KDM2B: variants seen among roughly 807,000 people sequenced by gnomAD.
KDM2B encodes lysine-specific demethylase 2B.
A neutral mutation model predicts 150.0 loss-of-function variants in KDM2B; 26 were observed. The observed-to-expected ratio is 0.17, with a 90% CI of 0.13 to 0.24. The LOEUF (loss-of-function observed/expected upper bound fraction) is 0.24, where lower values mean the gene tolerates loss of function less well. KDM2B is among the 10% of genes least tolerant of loss of function. KDM2B has a pLI of 1.00. For missense variants in KDM2B, 1,265 were observed against 1,816.9 expected (o/e 0.70, Z 5.52); for synonymous variants, 734 against 729.5 (o/e 1.01, Z -0.10).
At chr12:121,503,131 T>C (rs537609790) in intron 11 of KDM2B, among the ~76,000 whole-genome samples, 2 of 151,774 alleles carry the variant, frequency 1.3e-5, no homozygotes, top group African/African-American at 4.8e-5. Context: ...GCGTGCGCCA[T>C]CACGCCCAAC....
At chr12:121,556,793 A>G (rs1195686044) in intron 4 of KDM2B, among the ~76,000 whole-genome samples, 2 of 151,810 alleles carry the variant, frequency 1.3e-5, no homozygotes, top group African/African-American at 4.8e-5. Flanking sequence ...CGGAGGTTGC[A>G]GTGAGCTGAG....
At chr12:121,516,653 C>T in intron 9 of KDM2B, 1 of 719,652 alleles carries the variant, frequency 1.4e-6, no homozygotes, top group Non-Finnish European at 2.2e-6. Context: ...TCCCAGCCTG[C>T]AGGTCATCCG....
rs782524246 is a variant in KDM2B, at chr12:121,429,397, C to G, written c.*891G>C. 1.3e-5 allele frequency: 2 copies of G among 152,844 alleles called. No individual in the cohort carries two copies. Among genetic ancestry groups the G allele is most frequent in the African/African-American group, 2.4e-5 (1 of 41,454 alleles). 9.5% of individuals were successfully genotyped at this position (152,844 alleles called of 1,614,324 possible). On this transcript the variant is annotated 3_prime_UTR_variant, in exon 23 of 23. Transcript: ENST00000377071. Reference sequence around the variant, plus strand: ...CTATGTGGGAGCATTTATTCTACGTCTTGACTCACTGTATAAATTAGATCT... The same window carrying G: ...CTATGTGGGAGCATTTATTCTACGTGTTGACTCACTGTATAAATTAGATCT...
At chr12:121,494,953 A>T (rs1309184204) in intron 11 of KDM2B, among the ~76,000 whole-genome samples, 1 of 151,602 alleles carries the variant, frequency 6.6e-6, no homozygotes, top group Admixed American at 6.6e-5. Context: ...CAGTTATGAC[A>T]TCTAGCACTT....
At position 121,430,411 on chromosome 12, in the gene KDM2B, A is replaced by G. The variant is rs1872805448; in HGVS notation, c.3888T>C (p.Cys1296=). 6.2e-7 allele frequency: 1 copy of G among 1,613,986 alleles called. No homozygotes were observed. The highest frequency in any genetic ancestry group is 1.3e-5 in the African/African-American group (1 of 74,908). The change falls in exon 23 of 23, where the codon TGT becomes TGC. Residue 1296 remains cysteine (C), a synonymous_variant. Transcript: ENST00000377071. The surrounding 1 kb of genome is among the most constrained non-coding windows in gnomAD (Gnocchi z 4.4). The part of the protein sequence containing the change: ...LSFFKRCGNI[C]HIDLRYCKQV... ...GCTTGCAGTACCTCAGGTCAATATG[A>G]CAGATGTTTCCACAGCGTTTGAAGA...
chr12:121,420,233 T>C, the KDM2B span: 8 of 1,609,066 alleles, frequency 5.0e-6, no homozygotes, highest in East Asian at 1.8e-4. Flanking sequence ...ATACGTTGTA[T>C]AAGTGTAGGT....
intron 13 of KDM2B, among the ~76,000 whole-genome samples, chr12:121,447,444 C>T (rs1434317042): frequency 6.6e-6 from 1 of 151,774 alleles, no homozygotes; most frequent in Non-Finnish European, 1.5e-5. Flanking sequence ...GGGGTTTCAC[C>T]ATGTTGGTCA....
At chr12:121,439,545 T>C (rs1440489976) in intron 22 of KDM2B, among the ~76,000 whole-genome samples, 5 of 151,576 alleles carry the variant, frequency 3.3e-5, no homozygotes, top group Admixed American at 3.3e-4. Context: ...AACCCCCGGC[T>C]AATTTTTGTA....
chr12:121,514,340 C>T (rs1029584906), intron 9 of KDM2B, among the ~76,000 whole-genome samples: 2 of 151,936 alleles, frequency 1.3e-5, no homozygotes, highest in Non-Finnish European at 2.9e-5. Flanking sequence ...GGCTGTTTAT[C>T]ATAGAAGAGG....
intron 12 of KDM2B, among the ~76,000 whole-genome samples, chr12:121,486,806 C>T (rs1339313627): frequency 6.6e-6 from 1 of 151,378 alleles, no homozygotes; most frequent in Non-Finnish European, 1.5e-5. Context: ...TAATCATAAT[C>T]ATAATCATCA....
At chr12:121,564,368 A>G (rs1338953523) in intron 4 of KDM2B, among the ~76,000 whole-genome samples, 2 of 151,850 alleles carry the variant, frequency 1.3e-5, no homozygotes, top group African/African-American at 4.8e-5. Context: ...TGAGGCAGGA[A>G]AATGGCGTGA....
chr12:121,544,475 T>G (rs1781721228), intron 6 of KDM2B, among the ~76,000 whole-genome samples: 1 of 151,158 alleles, frequency 6.6e-6, no homozygotes, highest in African/African-American at 2.4e-5. Flanking sequence ...CCGGGTGTGT[T>G]GGTGCACACC....
At chr12:121,480,801 C>T (rs538661328) in intron 12 of KDM2B, among the ~76,000 whole-genome samples, 4 of 151,952 alleles carry the variant, frequency 2.6e-5, no homozygotes, top group African/African-American at 9.6e-5. Flanking sequence ...AAAACAGATA[C>T]TCCTTCCCAT....
Position 121,549,885 on chromosome 12 carries a change from G to T in KDM2B, c.398-247C>A, listed in dbSNP as rs534174987. Among the ~76,000 whole-genome samples the T allele has an allele frequency of 1.5e-4, 23 of 152,334 alleles. No homozygotes were observed. The highest frequency in any genetic ancestry group is 5.5e-4 in the African/African-American group (23 of 41,580). ...GATGACCTCAAAAGCTACCTAAAGG[G>T]GCCCAAGCAGCTGGGCATGGTGGCT... is the stretch of plus-strand genomic sequence containing the variant. On this transcript the variant is annotated intron_variant, in intron 4 of 22. Transcript: ENST00000377071. This position sits in a 1 kb window ranked among gnomAD's most constrained non-coding sequence, Gnocchi z 4.4.
Position 121,439,857 on chromosome 12 carries a change from C to G in KDM2B, c.3829G>C (p.Asp1277His). The G allele has an allele frequency of 6.2e-7, 1 of 1,613,572 alleles. No individual in the cohort carries two copies. The highest frequency in any genetic ancestry group is 8.5e-7 in the Non-Finnish European group (1 of 1,179,492). ...RDSLTEINLS[D>H]CNKVTDQCLS... ...GACCCGATGGGGGCCCCTGACTCAC[C>G]AGACAGGTTGATCTCGGTTAAGGAG... Residue 1277 changes from aspartate to histidine, a missense_variant and splice_region_variant, in exon 22 of 23, where the codon GAC becomes CAC. Around this residue, in one of 11 missense-constraint regions of KDM2B, gnomAD observed 251 missense variants for 397.8 expected, o/e 0.63. Coordinates refer to ENST00000377071, the MANE Select transcript of KDM2B (RefSeq NM_032590.5).
chr12:121,480,824 C>A (rs922214834), intron 12 of KDM2B, among the ~76,000 whole-genome samples: 13 of 152,114 alleles, frequency 8.5e-5, no homozygotes, highest in Non-Finnish European at 1.8e-4. Flanking sequence ...TGGCCCCACA[C>A]CCGGCCATCG....
rs782377221 is a variant in KDM2B, at chr12:121,509,955, T to C, written c.1259A>G (p.Gln420Arg). Reference protein sequence around the residue: ...MEEEACDQQPQEEEEKDEEGE... With the variant: ...MEEEACDQQPREEEEKDEEGE... ...CTCCTCGTCCTTCTCCTCCTCCTCC[T>C]GAGGCTGCTGATCACAGGCCTCCTC... Residue 420 changes from glutamine to arginine, a missense_variant, in exon 11 of 23, where the codon CAG (glutamine) becomes CGG (arginine). Physicochemically the swap from Gln to Arg is conservative, Grantham distance 43 (BLOSUM62 1). This residue lies in a region of KDM2B where 154 missense variants were observed against 162.5 expected (regional missense o/e 0.95). Transcript: ENST00000377071. 3.7e-5 allele frequency: 60 copies of C among 1,610,096 alleles called. No individual in the cohort carries two copies. The highest frequency in any genetic ancestry group is 4.9e-5 in the Non-Finnish European group (58 of 1,178,274).
intron 6 of KDM2B, 41 bp from the exon 7 acceptor site, chr12:121,534,631 C>T: frequency 1.4e-6 from 2 of 1,478,188 alleles, no homozygotes; most frequent in Non-Finnish European, 1.9e-6. Flanking sequence ...AAGTCAAGAT[C>T]TAAATCACAA....
chr12:121,467,232 TCG>T lies in KDM2B; in HGVS notation c.1735-13890_1735-13889del. On this transcript the variant is annotated intron_variant, in intron 12 of 22. Coordinates refer to ENST00000377071, the MANE Select transcript of KDM2B (RefSeq NM_032590.5). This position sits in a 1 kb window ranked among gnomAD's most constrained non-coding sequence, Gnocchi z 5.1. ...GCCATGGCTCATGGTGGGCCCAGGC[TCG>T]CGCGCGCTGACATGGCTGGAGCGGC... The T allele has an allele frequency of 9.8e-7, 1 of 1,018,762 alleles. No homozygotes were observed. Among genetic ancestry groups the T allele is most frequent in the Non-Finnish European group, 1.2e-6 (1 of 848,418 alleles). The allele number at this position is 1,018,762 out of a possible 1,614,324, so 63.1% of individuals were successfully genotyped here.
Sources: allele counts gnomAD v4.1 joint callset (sites outside exome capture counted in the v4.1 genomes callset), GRCh38; gene constraint gnomAD v4.1.1; regional missense constraint gnomAD v4.1.1; non-coding constraint Gnocchi (gnomAD v3.1); transcripts MANE v1.5; gene names NCBI Gene and HGNC (gene_info 2026-07-23, HGNC 2026-07-21).